Variants in CMBL observed in about 807,000 individuals in gnomAD.
CMBL encodes the protein carboxymethylenebutenolidase homolog (Pseudomonas).
Under a neutral mutation model 28.7 loss-of-function variants are expected in CMBL, and 17 were observed. The ratio of observed to expected loss-of-function variants is 0.59; its 90% CI spans 0.41 to 0.89. The LOEUF is 0.89. Among genes scored for constraint, CMBL ranks in the 40% least tolerant of loss-of-function variants. The pLI is 0.00. For missense variants in CMBL, 310 were observed against 298.5 expected (o/e 1.04, Z -0.28); for synonymous variants, 106 against 101.6 (o/e 1.04, Z -0.26).
chr5:10,291,568 G>A (rs530137183), intron 1 of CMBL, among the ~76,000 whole-genome samples: 8 of 151,944 alleles, frequency 5.3e-5, no homozygotes, highest in Non-Finnish European at 1.5e-5. Flanking sequence ...GGCTGAGGCA[G>A]GAGAATGGCG....
chr5:10,284,646 T>TGG (rs1310474535), intron 4 of CMBL, among the ~76,000 whole-genome samples: 1 of 152,228 alleles, frequency 6.6e-6, no homozygotes, highest in East Asian at 1.9e-4. Flanking sequence ...TGTAGCCTGA[T>TGG]GCAGGTGTTT....
chr5:10,284,229 C>CTTTT (rs1746555579), intron 4 of CMBL, among the ~76,000 whole-genome samples: 1 of 152,252 alleles, frequency 6.6e-6, no homozygotes, highest in South Asian at 2.1e-4. Context: ...CTAAATCGCG[C>CTTTT]AAAAGCATGG....
rs758332620 is a variant in CMBL at position 10,280,383 on chromosome 5, A to G, written c.*70T>C. 38 of 1,116,440 alleles carry G rather than the reference A, an allele frequency of 3.4e-5. No homozygotes were observed. The highest frequency in any genetic ancestry group is 4.7e-5 in the Non-Finnish European group (38 of 800,288). The allele number at this position is 1,116,440 out of a possible 1,614,324, so 69.2% of individuals were successfully genotyped here. On this transcript the variant is annotated 3_prime_UTR_variant, in exon 6 of 6. Coordinates refer to ENST00000296658, the MANE Select transcript of CMBL (RefSeq NM_138809.4). ...TTTTATAAAAGTGAAAATTAAATCA[A>G]ATGATCTAACTATTTCCAAGCAAAT...
rs1211663128 is a variant in CMBL at position 10,278,554 on chromosome 5, T to C, written c.*1899A>G. On this transcript the variant is annotated 3_prime_UTR_variant, in exon 6 of 6. Coordinates refer to ENST00000296658, the MANE Select transcript of CMBL (RefSeq NM_138809.4). The stretch of plus-strand genomic sequence containing the variant: ...GACACCCTGGGCCCCAGTGAAGGCT[T>C]TGGCTCATAGCTCCCTCTCTCTCTC... Among the ~76,000 whole-genome samples the C allele has an allele frequency of 6.6e-6, 1 of 152,078 alleles. No homozygotes were observed. Among genetic ancestry groups the C allele is most frequent in the Non-Finnish European group, 1.5e-5 (1 of 68,014 alleles).
Position 10,288,617 on chromosome 5 carries a change from G to T in CMBL, c.216-88C>A, listed in dbSNP as rs73741363. On this transcript the variant is annotated intron_variant, in intron 2 of 5. Transcript: ENST00000296658. The stretch of plus-strand genomic sequence containing the variant: ...CATTTATTTAAAAACTTGCTACGTT[G>T]GCGATTCTGGCTCAGAGAAAAGGAA... 6.2e-3 allele frequency: 6,095 copies of T among 990,688 alleles called. 235 individuals carry two copies. In the African/African-American group the frequency reaches 0.085, roughly 14 times the overall value. The allele number at this position is 990,688 out of a possible 1,614,324, so 61.4% of individuals were successfully genotyped here.
chr5:10,292,256 T>A (rs1746735797), intron 1 of CMBL: 1 of 152,074 alleles, frequency 6.6e-6, no homozygotes, highest in Admixed American at 6.6e-5. Context: ...CCGGCTGGAG[T>A]GCAGTGTCAC....
At chr5:10,300,818 A>T (rs1371479086) in intron 1 of CMBL, among the ~76,000 whole-genome samples, 4 of 147,450 alleles carry the variant, frequency 2.7e-5, no homozygotes, top group African/African-American at 7.4e-5. Flanking sequence ...TTATTTATTT[A>T]TTTTTTATAT....
At chr5:10,281,014 T>G (rs547814994) in intron 5 of CMBL, among the ~76,000 whole-genome samples, 1 of 152,344 alleles carries the variant, frequency 6.6e-6, no homozygotes, top group Admixed American at 6.5e-5. Flanking sequence ...CCTCAAGTGA[T>G]CTGCCTGCCT....
intron 1 of CMBL, among the ~76,000 whole-genome samples, chr5:10,295,488 T>C (rs1746793827): frequency 6.6e-6 from 1 of 152,192 alleles, no homozygotes; most frequent in Non-Finnish European, 1.5e-5. Context: ...CAGGGTGCAA[T>C]AGACTGAATG....
chr5:10,292,315 C>T (rs982671372), intron 1 of CMBL, among the ~76,000 whole-genome samples: 2 of 152,126 alleles, frequency 1.3e-5, no homozygotes, highest in African/African-American at 4.8e-5. Context: ...AACTAATCCT[C>T]CCACCTTAGC....
intron 1 of CMBL, among the ~76,000 whole-genome samples, chr5:10,297,378 T>C (rs1383207589): frequency 6.6e-6 from 1 of 151,810 alleles, no homozygotes; most frequent in African/African-American, 2.4e-5. Context: ...GACACCAGCC[T>C]GACCAACATG....
At chr5:10,295,281 A>C (rs1746790156) in intron 1 of CMBL, among the ~76,000 whole-genome samples, 1 of 152,040 alleles carries the variant, frequency 6.6e-6, no homozygotes, top group Non-Finnish European at 1.5e-5. Context: ...ACGGGGTTTC[A>C]CCATGTTGGC....
chr5:10,307,167 T>A (rs528242234), intron 1 of CMBL: 3 of 152,324 alleles, frequency 2.0e-5, no homozygotes, highest in South Asian at 4.1e-4. Flanking sequence ...AGCTGTCGAA[T>A]GTGGATGCTG....
At chr5:10,288,601 A>T in intron 2 of CMBL, 72 bp from the exon 3 acceptor site, 2 of 1,190,536 alleles carry the variant, frequency 1.7e-6, no homozygotes, top group Non-Finnish European at 2.5e-6. Flanking sequence ...GCATTTATTT[A>T]AAAACTTGCT....
At chr5:10,288,020 C>T (rs974525056) in intron 3 of CMBL, among the ~76,000 whole-genome samples, 2 of 151,366 alleles carry the variant, frequency 1.3e-5, no homozygotes, top group Admixed American at 6.6e-5. Context: ...TGTGAGCCAC[C>T]ATGCCCGGCC....
chr5:10,281,988 C>T (rs1380192063), intron 5 of CMBL, among the ~76,000 whole-genome samples: 1 of 151,906 alleles, frequency 6.6e-6, no homozygotes, highest in African/African-American at 2.4e-5. Context: ...GGTGAAACCC[C>T]GTCTCTACTA....
rs558787675 is a variant in CMBL at position 10,297,370 on chromosome 5, C to T, written c.-19-6589G>A. Reference sequence around the variant, plus strand: ...GGATCACTTGAGGTCAGGAGTTCGACACCAGCCTGACCAACATGGGGAAAC... The same window carrying T: ...GGATCACTTGAGGTCAGGAGTTCGATACCAGCCTGACCAACATGGGGAAAC... On this transcript the variant is annotated intron_variant, in intron 1 of 5. Coordinates refer to ENST00000296658, the MANE Select transcript of CMBL (RefSeq NM_138809.4). 2.0e-5 allele frequency among the ~76,000 whole-genome samples: 3 copies of T among 150,196 alleles called. No homozygotes were observed. In the East Asian group the frequency reaches 6.0e-4, roughly 30 times the overall value.
At chr5:10,285,325 C>T (rs891641411) in intron 4 of CMBL, among the ~76,000 whole-genome samples, 11 of 152,170 alleles carry the variant, frequency 7.2e-5, no homozygotes, top group Non-Finnish European at 1.5e-4. Flanking sequence ...CCCACCACCA[C>T]GCCCAGCTAA....
At chr5:10,290,830 G>C (rs1746701035) in intron 1 of CMBL, 49 bp from the exon 2 acceptor site, 2 of 1,356,330 alleles carry the variant, frequency 1.5e-6, no homozygotes, top group East Asian at 2.3e-5. Flanking sequence ...CAAATCTAAA[G>C]GCTATAAATG....
Sources: allele counts gnomAD v4.1 joint callset (sites outside exome capture counted in the v4.1 genomes callset), GRCh38; gene constraint gnomAD v4.1.1; transcripts MANE v1.5; gene names NCBI Gene and HGNC (gene_info 2026-07-23, HGNC 2026-07-21).